The following ODAD4 variants were observed in gnomAD, a reference collection of about 807,000 sequenced individuals.
ODAD4 encodes outer dynein arm docking complex subunit 4, also known as outer dynein arm-docking complex subunit 4.
ODAD4 carries 49 observed loss-of-function variants against 51.8 expected under a neutral mutation model. The observed-to-expected ratio is 0.95, with a 90% CI of 0.75 to 1.20. ODAD4 has a LOEUF of 1.20. Among genes scored for constraint, ODAD4 ranks in the 50% most tolerant of loss-of-function variants. The probability of loss-of-function intolerance (pLI) is 0.00; values close to 1 mark genes in which losing one functional copy is unlikely to be tolerated. For missense variants in ODAD4, 590 were observed against 586.5 expected (o/e 1.01, Z -0.06); for synonymous variants, 235 against 221.3 (o/e 1.06, Z -0.55).
At chr17:41,964,063 A>ATTTT (rs539389648) in intron 11 of ODAD4, among the ~76,000 whole-genome samples, 1 of 140,494 alleles carries the variant, frequency 7.1e-6, no homozygotes, top group African/African-American at 2.6e-5. Context: ...CTCCCGGTTA[A>ATTTT]TTTTTTTTTT....
At chr17:41,940,659 C>T (rs2050492817) in intron 7 of ODAD4, among the ~76,000 whole-genome samples, 2 of 152,178 alleles carry the variant, frequency 1.3e-5, no homozygotes, top group Non-Finnish European at 2.9e-5. Context: ...TGCTCCTCTA[C>T]TCAGTTTCCT....
chr17:41,965,704 C>G lies in ODAD4; in HGVS notation c.*221C>G, dbSNP rs782117278. The stretch of plus-strand genomic sequence containing the variant: ...CCCCTGCCCATTCTTGGAAGAGCAT[C>G]GTGGAAGAAATGAGAAAGGTGCCAA... On this transcript the variant is annotated 3_prime_UTR_variant, in exon 12 of 12. Coordinates refer to ENST00000377540, the MANE Select transcript of ODAD4 (RefSeq NM_031421.5). The G allele has an allele frequency of 1.1e-4, 53 of 494,120 alleles. No homozygotes were observed. The highest frequency in any genetic ancestry group is 1.7e-4 in the Non-Finnish European group (48 of 280,254). 30.6% of individuals were successfully genotyped at this position (494,120 alleles called of 1,614,324 possible).
chr17:41,940,431 T>C (rs1225916705), intron 7 of ODAD4, among the ~76,000 whole-genome samples: 2 of 152,226 alleles, frequency 1.3e-5, no homozygotes, highest in Non-Finnish European at 2.9e-5. Flanking sequence ...CAAACGTTCC[T>C]GAACATTCCT....
At chr17:41,946,840 G>A (rs949313674) in intron 8 of ODAD4, among the ~76,000 whole-genome samples, 2 of 149,844 alleles carry the variant, frequency 1.3e-5, no homozygotes, top group African/African-American at 2.5e-5. Context: ...CACCATGTCC[G>A]GCTAATTTTT....
chr17:41,952,604 C>T, intron 9 of ODAD4: 1 of 448,318 alleles, frequency 2.2e-6, no homozygotes, highest in East Asian at 6.1e-5. Flanking sequence ...GAATGATTTA[C>T]TCTCTTGAAT....
At chr17:41,962,506 G>A (rs1295015307) in intron 11 of ODAD4, among the ~76,000 whole-genome samples, 1 of 152,158 alleles carries the variant, frequency 6.6e-6, no homozygotes, top group Non-Finnish European at 1.5e-5. Flanking sequence ...GGTGTTAAGC[G>A]CAGTAGCCGA....
intron 11 of ODAD4, among the ~76,000 whole-genome samples, chr17:41,962,301 G>A (rs2050816010): frequency 1.3e-5 from 2 of 152,218 alleles, no homozygotes; most frequent in Non-Finnish European, 2.9e-5. Context: ...GGCAGGTGCA[G>A]AGGGGCATAA....
intron 11 of ODAD4, among the ~76,000 whole-genome samples, 197 bp downstream of exon 11, chr17:41,961,663 G>A (rs1422397683): frequency 6.6e-6 from 1 of 152,230 alleles, no homozygotes; most frequent in African/African-American, 2.4e-5. Context: ...CCCACCATGG[G>A]CTGGACTGTC....
intron 9 of ODAD4, among the ~76,000 whole-genome samples, chr17:41,952,014 A>G (rs1424480049): frequency 2.6e-5 from 4 of 151,920 alleles, no homozygotes; most frequent in African/African-American, 9.7e-5. Flanking sequence ...CCTGGGCAAC[A>G]TAGGGAGATC....
In ODAD4 at chr17:41,930,823, CAG is replaced by C; in HGVS notation, c.103_104del (p.Ser35LeufsTer36). ...GTGCGGGGAATTTTCTAAAGCCGCGCAGAGCTTCAGCAACGTGAGTCGAGCTC... is the reference window on the plus strand; with the variant it reads ...GTGCGGGGAATTTTCTAAAGCCGCGCAGCTTCAGCAACGTGAGTCGAGCTC... ...YLCGEFSKAAQSFSNALYLQD... is the reference protein window; with the variant it reads ...YLCGEFSKAAXSFSNALYLQD... On this transcript the variant is annotated frameshift_variant, in exon 1 of 12. Transcript: ENST00000377540. LOFTEE classifies it high-confidence loss of function. The C allele has an allele frequency of 6.3e-7, 1 of 1,580,794 alleles. No homozygotes were observed. The highest frequency in any genetic ancestry group is 8.6e-7 in the Non-Finnish European group (1 of 1,163,134).
chr17:41,956,013 A>G (rs539046492), intron 10 of ODAD4, among the ~76,000 whole-genome samples: 4 of 145,802 alleles, frequency 2.7e-5, no homozygotes, highest in Non-Finnish European at 4.5e-5. Context: ...CAGCCTCCCA[A>G]TGTGCTGGGA....
rs139691913 is a variant in ODAD4 at position 41,959,619 on chromosome 17, G to A, written c.1444-1763G>A. ...GAGGAGGGGCAAGTGCACTGAAGAC[G>A]TGGGAGGTCGGCGCTGAGGGCTGGT... On this transcript the variant is annotated intron_variant, in intron 10 of 11. Coordinates refer to ENST00000377540, the MANE Select transcript of ODAD4 (RefSeq NM_031421.5). Among the ~76,000 whole-genome samples the A allele has an allele frequency of 6.8e-4, 104 of 152,320 alleles. 3 individuals are homozygous for A. In the South Asian group the frequency reaches 0.02, roughly 29 times the overall value.
chr17:41,961,355 G>A (rs1555641656), intron 10 of ODAD4, 27 bp from the exon 11 acceptor site: 1 of 728,992 alleles, frequency 1.4e-6, no homozygotes, highest in South Asian at 1.5e-5. Context: ...CCAAACACAG[G>A]GGCTAAGCTC....
At chr17:41,959,435 G>A (rs2050775910) in intron 10 of ODAD4, among the ~76,000 whole-genome samples, 1 of 152,200 alleles carries the variant, frequency 6.6e-6, no homozygotes, top group African/African-American at 2.4e-5. Flanking sequence ...CATAACTTGT[G>A]GGCAGCAAAG....
intron 8 of ODAD4, among the ~76,000 whole-genome samples, chr17:41,946,473 C>T (rs933546232): frequency 1.2e-4 from 18 of 151,932 alleles, no homozygotes; most frequent in Non-Finnish European, 2.1e-4. Flanking sequence ...TACAGGCGCC[C>T]GCCACCACGC....
chr17:41,964,959 TTATC>T, intron 11 of ODAD4, 30 bp from the exon 12 acceptor site: 1 of 674,724 alleles, frequency 1.5e-6, no homozygotes, highest in Non-Finnish European at 2.7e-6. Flanking sequence ...GAACAAACTT[TTATC>T]TTTCTTCCCG....
In ODAD4 at chr17:41,947,591, G is replaced by T. The variant is rs1387405013; in HGVS notation, c.1146-1562G>T. 2.9e-3 allele frequency among the ~76,000 whole-genome samples: 431 copies of T among 150,718 alleles called. 3 individuals are homozygous for T. The highest frequency in any genetic ancestry group is 1.0e-2 in the African/African-American group (409 of 40,942). On this transcript the variant is annotated intron_variant, in intron 8 of 11. Transcript: ENST00000377540. ...GTGGGCGGACCTCCTGAGGTCCGGA[G>T]TTCAGACCAGCCTGGCCAACGTGGG...
At chr17:41,964,210 G>A (rs2050844262) in intron 11 of ODAD4, among the ~76,000 whole-genome samples, 2 of 151,978 alleles carry the variant, frequency 1.3e-5, no homozygotes, top group Non-Finnish European at 2.9e-5. Context: ...ACAGGCGCCT[G>A]CCACCATGCC....
intron 11 of ODAD4, 35 bp downstream of exon 11, chr17:41,961,501 C>T (rs2050805941): frequency 1.4e-6 from 1 of 718,810 alleles, no homozygotes; most frequent in Non-Finnish European, 2.6e-6. Flanking sequence ...GCAACTTCAG[C>T]ATTCTCCCTC....
Sources: gnomAD v4.1 joint callset for allele counts (sites outside exome capture counted in the v4.1 genomes callset) on GRCh38, gnomAD v4.1.1 for gene constraint, MANE v1.5 for transcripts, NCBI Gene and HGNC (gene_info 2026-07-23, HGNC 2026-07-21) for gene names.